The following BCHE variants were observed in gnomAD, a reference collection of about 807,000 sequenced individuals.
BCHE encodes the protein butyrylcholinesterase.
A neutral mutation model predicts 51.3 loss-of-function variants in BCHE; 48 were observed. The ratio of observed to expected loss-of-function variants is 0.94; its 90% CI spans 0.74 to 1.19. The LOEUF is 1.19. BCHE is among the 50% of genes most tolerant of loss of function. The pLI is 0.00. For missense variants in BCHE, 847 were observed against 708.2 expected, an observed-to-expected ratio of 1.20 and a Z score of -2.23; for synonymous variants, 251 against 238.0, an observed-to-expected ratio of 1.05 and a Z score of -0.50.
At chr3:165,823,061 G>C (rs1240993139) in intron 2 of BCHE, among the ~76,000 whole-genome samples, 1 of 152,008 alleles carries the variant, frequency 6.6e-6, no homozygotes, top group Admixed American at 6.6e-5. Context: ...TCTACAGGTA[G>C]CATTAGAGGA....
intron 2 of BCHE, among the ~76,000 whole-genome samples, chr3:165,801,216 A>AG (rs1452943530): frequency 6.6e-6 from 1 of 152,224 alleles, no homozygotes; most frequent in Non-Finnish European, 1.5e-5. Flanking sequence ...TTTCTGAATG[A>AG]CTTGCTAATT....
At chr3:165,777,812 T>G (rs902665944) in intron 3 of BCHE, 7 of 452,072 alleles carry the variant, frequency 1.5e-5, no homozygotes, top group Non-Finnish European at 2.7e-5. Flanking sequence ...AATGTGAAGA[T>G]GACAAGTATG....
At chr3:165,789,768 A>C (rs904572891) in intron 2 of BCHE, among the ~76,000 whole-genome samples, 1 of 152,114 alleles carries the variant, frequency 6.6e-6, no homozygotes, top group African/African-American at 2.4e-5. Context: ...ATGATATTCT[A>C]TTGTAAAATA....
intron 2 of BCHE, among the ~76,000 whole-genome samples, chr3:165,796,364 A>T (rs1228466896): frequency 6.6e-6 from 1 of 152,156 alleles, no homozygotes. Flanking sequence ...GTAAAACTGA[A>T]TCCTGCATAT....
At chr3:165,797,835 A>G (rs544612941) in intron 2 of BCHE, among the ~76,000 whole-genome samples, 1 of 152,204 alleles carries the variant, frequency 6.6e-6, no homozygotes, top group South Asian at 2.1e-4. Context: ...TAGCATATAC[A>G]AATCTTAAAA....
intron 2 of BCHE, among the ~76,000 whole-genome samples, chr3:165,788,614 T>C (rs1713051483): frequency 6.6e-6 from 1 of 152,120 alleles, no homozygotes; most frequent in Non-Finnish European, 1.5e-5. Context: ...ACAGCAATTC[T>C]TATGTTCCTA....
At chr3:165,803,900 T>C (rs766359420) in intron 2 of BCHE, among the ~76,000 whole-genome samples, 2 of 152,130 alleles carry the variant, frequency 1.3e-5, no homozygotes, top group African/African-American at 2.4e-5. Context: ...CATCAGTATG[T>C]AGATGTTAGT....
chr3:165,829,905 C>T lies in BCHE; in HGVS notation c.1129G>A (p.Glu377Lys), dbSNP rs534912670. ...KDNNSIITRK[E>K]FQEGLKIFFP... is the part of the protein sequence containing the mutation. ...AATATTTTTAAACCTTCCTGAAATT[C>T]TTTTCTAGTTATGATACTATTGTTA... The change falls in exon 2 of 4, where the codon GAA (glutamate) becomes AAA (lysine). Residue 377 changes from glutamate to lysine, a missense_variant. Coordinates refer to ENST00000264381, the MANE Select transcript of BCHE (RefSeq NM_000055.4). 1 of 1,611,234 alleles carries T rather than the reference C, an allele frequency of 6.2e-7. No individual in the cohort carries two copies. The highest frequency in any genetic ancestry group is 1.1e-5 in the South Asian group (1 of 90,494).
In BCHE at chr3:165,786,233, A is replaced by T; in HGVS notation, c.1596T>A (p.Asn532Lys). 1 of 1,612,164 alleles carries T rather than the reference A, an allele frequency of 6.2e-7. No individual in the cohort carries two copies. The highest frequency in any genetic ancestry group is 1.1e-5 in the South Asian group (1 of 91,034). The change falls in exon 3 of 4, where the codon AAT becomes AAA. Residue 532 changes from asparagine (N) to lysine (K), a missense_variant. Transcript: ENST00000264381. ...TCGTCATTATTCTTGTTGACTCTGTATTCAAGGTTAGATATTTTTGTTCAG... is the reference window on the plus strand; with the variant it reads ...TCGTCATTATTCTTGTTGACTCTGTTTTCAAGGTTAGATATTTTTGTTCAG... ...KSTEQKYLTLNTESTRIMTKL... is the reference protein window; with the variant it reads ...KSTEQKYLTLKTESTRIMTKL...
intron 3 of BCHE, among the ~76,000 whole-genome samples, chr3:165,781,947 A>G (rs1479782518): frequency 2.6e-5 from 4 of 152,160 alleles, no homozygotes; most frequent in Non-Finnish European, 5.9e-5. Flanking sequence ...ATGATACAAT[A>G]TGCATAAGTA....
At position 165,807,530 on chromosome 3, in the gene BCHE, A is replaced by ATTTATTTATTTATTTATT. The variant is rs1350744329; in HGVS notation, c.1518-21237_1518-21220dup. On this transcript the variant is annotated intron_variant, in intron 2 of 3. Transcript: ENST00000264381. ...ATGTTATTATGAGATTTATTTATTT[A>ATTTATTTATTTATTTATT]TTTATTTATTTATTTATTTTTATTT... 2.3e-4 allele frequency among the ~76,000 whole-genome samples: 35 copies of ATTTATTTATTTATTTATT among 150,926 alleles called. No homozygotes were observed. The East Asian group carries it at 6.4e-3, about 28-fold the overall frequency.
At chr3:165,828,296 T>C (rs2108233431) in intron 2 of BCHE, among the ~76,000 whole-genome samples, 1 of 152,280 alleles carries the variant, frequency 6.6e-6, no homozygotes, top group Admixed American at 6.5e-5. Context: ...ACTCAGAATC[T>C]TTGGTATTAG....
intron 3 of BCHE, among the ~76,000 whole-genome samples, chr3:165,782,079 A>T (rs1712727029): frequency 6.6e-6 from 1 of 152,092 alleles, no homozygotes; most frequent in Non-Finnish European, 1.5e-5. Context: ...ATCTAATAAG[A>T]GGTTAGAGGC....
chr3:165,790,612 G>A (rs973502301), intron 2 of BCHE, among the ~76,000 whole-genome samples: 36 of 152,286 alleles, frequency 2.4e-4, no homozygotes, highest in Admixed American at 2.4e-3. Context: ...CTAAACTTAC[G>A]ACTGGTGTGA....
At chr3:165,818,392 C>G (rs370296683) in intron 2 of BCHE, among the ~76,000 whole-genome samples, 2 of 151,948 alleles carry the variant, frequency 1.3e-5, no homozygotes, top group African/African-American at 4.8e-5. Context: ...GATTTTAGGA[C>G]TACTAAAGCA....
Position 165,828,732 on chromosome 3 carries a change from G to GA in BCHE, c.1517+784dup, listed in dbSNP as rs71632428. Among the ~76,000 whole-genome samples, 18 of 142,234 alleles carry GA rather than the reference G, an allele frequency of 1.3e-4. No homozygotes were observed. The South Asian group carries it at 1.3e-3, about 10-fold the overall frequency. The allele number at this position is 142,234 out of a possible 152,430, so 93.3% of individuals were successfully genotyped here. A position where few individuals can be genotyped will look rare whatever the true frequency, so the allele number is the denominator to read the frequency against. The stretch of plus-strand genomic sequence containing the variant: ...GTTTTGGTTTACAAATGTAGTGGGA[G>GA]AAAAAAAAACTACTTTATTTTCTAT... On this transcript the variant is annotated intron_variant, in intron 2 of 3. Transcript: ENST00000264381.
At position 165,815,629 on chromosome 3, in the gene BCHE, A is replaced by G. The variant is rs189301623; in HGVS notation, c.1517+13888T>C. On this transcript the variant is annotated intron_variant, in intron 2 of 3. Transcript: ENST00000264381. Reference sequence around the variant, plus strand: ...TATAGATTTAAAATTATGACTCCAAAGGCTACCTGGTCAGTACTTTCTTTA... The same window carrying G: ...TATAGATTTAAAATTATGACTCCAAGGGCTACCTGGTCAGTACTTTCTTTA... Among the ~76,000 whole-genome samples the G allele has an allele frequency of 3.2e-4, 49 of 152,244 alleles. 1 individual carries two copies. The highest frequency in any genetic ancestry group is 2.2e-3 in the Admixed American group (34 of 15,276).
At chr3:165,786,636 C>A (rs1423340768) in intron 2 of BCHE, among the ~76,000 whole-genome samples, 1 of 151,668 alleles carries the variant, frequency 6.6e-6, no homozygotes, top group Non-Finnish European at 1.5e-5. Flanking sequence ...GGTGGTGTTA[C>A]TTTTGTTTCA....
At chr3:165,836,083 T>C (rs1157498432) in intron 1 of BCHE, among the ~76,000 whole-genome samples, 3 of 151,874 alleles carry the variant, frequency 2.0e-5, no homozygotes, top group African/African-American at 4.8e-5. Flanking sequence ...AAATGAAATA[T>C]GGAATACATC....
Sources: allele counts gnomAD v4.1 joint callset (sites outside exome capture counted in the v4.1 genomes callset), GRCh38; gene constraint gnomAD v4.1.1; transcripts MANE v1.5; gene names NCBI Gene and HGNC (gene_info 2026-07-23, HGNC 2026-07-21).